INPP4B: variants seen among roughly 807,000 people sequenced by gnomAD.
INPP4B encodes inositol polyphosphate-4-phosphatase type II B, also known as inositol polyphosphate 4-phosphatase type II.
A neutral mutation model predicts 122.5 loss-of-function variants in INPP4B; 55 were observed. The observed-to-expected ratio is 0.45, with a 90% CI of 0.36 to 0.56. INPP4B has a LOEUF of 0.56. Ranked by LOEUF, INPP4B falls within the 20% of genes least tolerant of loss-of-function variation. INPP4B has a pLI of 0.00. For synonymous variants in INPP4B, 403 were observed against 388.7 expected (o/e 1.04, Z -0.43); for missense variants, 1,000 against 1,097.7 (o/e 0.91, Z 1.26).
chr4:142,501,373 T>C (rs1000744438), intron 2 of INPP4B, among the ~76,000 whole-genome samples: 2 of 152,128 alleles, frequency 1.3e-5, no homozygotes, highest in African/African-American at 4.8e-5. Context: ...CCCAGAGAAG[T>C]AGTATTTCTG....
At chr4:142,226,700 C>G (rs1030863567) in intron 12 of INPP4B, among the ~76,000 whole-genome samples, 1 of 151,932 alleles carries the variant, frequency 6.6e-6, no homozygotes. Context: ...TAGATGGTTG[C>G]ATTATTATAG....
intron 23 of INPP4B, among the ~76,000 whole-genome samples, chr4:142,105,370 T>C (rs1000353756): frequency 1.3e-5 from 2 of 152,202 alleles, no homozygotes; most frequent in African/African-American, 4.8e-5. Flanking sequence ...TGATGAGTGC[T>C]TCATAAAACT....
chr4:142,638,028 T>A (rs1749555868), intron 2 of INPP4B, among the ~76,000 whole-genome samples: 1 of 152,222 alleles, frequency 6.6e-6, no homozygotes, highest in African/African-American at 2.4e-5. Flanking sequence ...CTTTTGCCCA[T>A]TTAAAAAAAT....
intron 2 of INPP4B, among the ~76,000 whole-genome samples, chr4:142,648,551 G>T (rs114522997): frequency 6.6e-6 from 1 of 152,316 alleles, no homozygotes; most frequent in Non-Finnish European, 1.5e-5. Context: ...CCACACCCAC[G>T]AAACCTTAAT....
chr4:142,106,497 A>C (rs1787192559), intron 23 of INPP4B, among the ~76,000 whole-genome samples: 1 of 152,106 alleles, frequency 6.6e-6, no homozygotes, highest in East Asian at 1.9e-4. Flanking sequence ...CCCGGGCTAA[A>C]ATTTTTTAAA....
intron 2 of INPP4B, among the ~76,000 whole-genome samples, chr4:142,481,768 G>T (rs986693429): frequency 6.6e-6 from 1 of 152,100 alleles, no homozygotes; most frequent in Non-Finnish European, 1.5e-5. Context: ...GCCAATAGAT[G>T]GTTCTGTGAT....
intron 2 of INPP4B, among the ~76,000 whole-genome samples, chr4:142,551,600 C>T (rs1437787202): frequency 6.6e-6 from 1 of 152,138 alleles, no homozygotes; most frequent in Non-Finnish European, 1.5e-5. Flanking sequence ...ACAAAGGTCT[C>T]GTGTGAGTGT....
intron 16 of INPP4B, among the ~76,000 whole-genome samples, chr4:142,161,123 T>G (rs1262415374): frequency 2.0e-5 from 3 of 151,906 alleles, no homozygotes; most frequent in Admixed American, 2.0e-4. Flanking sequence ...CATGAAAACA[T>G]CGGGCCTGTT....
chr4:142,136,553 C>A (rs747899999), intron 18 of INPP4B, among the ~76,000 whole-genome samples: 1 of 152,128 alleles, frequency 6.6e-6, no homozygotes, highest in Admixed American at 6.5e-5. Context: ...GCTTTGAAAG[C>A]TCAGGAATGA....
Position 142,206,327 on chromosome 4 carries a change from C to T in INPP4B, c.1072+2098G>A, listed in dbSNP as rs373137794. The stretch of plus-strand genomic sequence containing the variant: ...TTCAGGCCACAGCAGCTTCTAAATG[C>T]CTTGGGCCCATCCATCTCTCTCTCT... On this transcript the variant is annotated intron_variant, in intron 14 of 25. Transcript: ENST00000262992. 4.7e-5 allele frequency among the ~76,000 whole-genome samples: 7 copies of T among 148,688 alleles called. No individual in the cohort carries two copies. The South Asian group carries it at 1.1e-3, about 23-fold the overall frequency.
intron 1 of INPP4B, among the ~76,000 whole-genome samples, chr4:142,775,133 A>G (rs1773661023): frequency 6.6e-6 from 1 of 152,080 alleles, no homozygotes; most frequent in Non-Finnish European, 1.5e-5. Flanking sequence ...TGCTATTTTC[A>G]TCATACTGTA....
At chr4:142,283,123 T>C (rs961136581) in intron 9 of INPP4B, among the ~76,000 whole-genome samples, 1 of 152,102 alleles carries the variant, frequency 6.6e-6, no homozygotes, top group East Asian at 1.9e-4. Context: ...ATTTTAGTTT[T>C]ATTTTTAAGG....
chr4:142,126,524 G>T (rs1298915562), intron 18 of INPP4B, among the ~76,000 whole-genome samples: 9 of 152,118 alleles, frequency 5.9e-5, no homozygotes, highest in African/African-American at 2.2e-4. Context: ...CCTATGTGAT[G>T]TCATAATGTA....
At position 142,159,686 on chromosome 4, in the gene INPP4B, T is replaced by C. The variant is rs115572108; in HGVS notation, c.1563+672A>G. Among the ~76,000 whole-genome samples, 732 of 152,162 alleles carry C rather than the reference T, an allele frequency of 4.8e-3. 4 individuals carry two copies. Among genetic ancestry groups the C allele is most frequent in the African/African-American group, 0.016 (683 of 41,530 alleles). ...AGAATTCTTGAATAATTTATATGTA[T>C]CGATTCAGTAATAACACCCTGTTCC... On this transcript the variant is annotated intron_variant, in intron 17 of 25. Coordinates refer to ENST00000262992, the MANE Select transcript of INPP4B (RefSeq NM_001101669.3).
chr4:142,370,728 A>G (rs1156519750), intron 7 of INPP4B, among the ~76,000 whole-genome samples: 1 of 152,096 alleles, frequency 6.6e-6, no homozygotes, highest in Non-Finnish European at 1.5e-5. Context: ...AAATTTAACC[A>G]AGGTAGTGAA....
intron 1 of INPP4B, among the ~76,000 whole-genome samples, chr4:142,820,041 T>C (rs1271669159): frequency 6.6e-6 from 1 of 152,118 alleles, no homozygotes; most frequent in African/African-American, 2.4e-5. Flanking sequence ...ACCTGAATCC[T>C]TGTCTCAGGC....
rs1393633586 is a variant in INPP4B, at chr4:142,432,146, A to C, written c.-126-761T>G. ...AATTCATTTTTATATTTAACATGAT[A>C]TATATGACCAAGAATAAATTTTTTA... On this transcript the variant is annotated intron_variant, in intron 3 of 25. Transcript: ENST00000262992. Among the ~76,000 whole-genome samples the C allele has an allele frequency of 5.3e-5, 8 of 152,110 alleles. 1 individual carries two copies.
Position 142,505,491 on chromosome 4 carries a change from A to C in INPP4B, c.-190-42765T>G, listed in dbSNP as rs1236560261. 2.0e-5 allele frequency among the ~76,000 whole-genome samples: 3 copies of C among 152,096 alleles called. 1 individual carries two copies. Among genetic ancestry groups the C allele is most frequent in the Admixed American group, 2.0e-4 (3 of 15,256 alleles). Reference sequence around the variant, plus strand: ...GTCACCAACTGGAGGTAAGACTCCCAATGCATTTTTCACTTTTTCAGGCTC... The same window carrying C: ...GTCACCAACTGGAGGTAAGACTCCCCATGCATTTTTCACTTTTTCAGGCTC... On this transcript the variant is annotated intron_variant, in intron 2 of 25. Coordinates refer to ENST00000262992, the MANE Select transcript of INPP4B (RefSeq NM_001101669.3).
At chr4:142,527,238 TTAA>T (rs201798819) in intron 2 of INPP4B, among the ~76,000 whole-genome samples, 5,874 of 151,570 alleles carry the variant, frequency 0.039, 165 homozygotes, top group South Asian at 0.061. Context: ...TATGCCAATA[TTAA>T]TAATAAAATA....
Sources: allele counts gnomAD v4.1 joint callset (sites outside exome capture counted in the v4.1 genomes callset), GRCh38; gene constraint gnomAD v4.1.1; transcripts MANE v1.5; gene names NCBI Gene and HGNC (gene_info 2026-07-23, HGNC 2026-07-21).